LOXL1: variants seen among roughly 807,000 people sequenced by gnomAD.
LOXL1 encodes the protein lysyl oxidase like 1, also known as lysyl oxidase homolog 1.
A neutral mutation model predicts 62.2 loss-of-function variants in LOXL1; 31 were observed. That is an observed-to-expected ratio of 0.50 (90% CI 0.37 to 0.67). The LOEUF (loss-of-function observed/expected upper bound fraction) is 0.67, where lower values mean the gene tolerates loss of function less well. Among genes scored for constraint, LOXL1 ranks in the 30% least tolerant of loss-of-function variants. LOXL1 has a pLI of 0.00. For synonymous variants in LOXL1, 403 were observed against 384.4 expected, an observed-to-expected ratio of 1.05 and a Z score of -0.56; for missense variants, 775 against 843.4, an observed-to-expected ratio of 0.92 and a Z score of 1.00.
chr15:73,943,966 C>T (rs1393075494), intron 2 of LOXL1, among the ~76,000 whole-genome samples: 4 of 152,218 alleles, frequency 2.6e-5, no homozygotes, highest in Non-Finnish European at 5.9e-5. Context: ...CAACTCACTC[C>T]TTCATTGAGA....
At chr15:73,941,923 A>G (rs1046373306) in intron 1 of LOXL1, 2 of 239,814 alleles carry the variant, frequency 8.3e-6, no homozygotes, top group Non-Finnish European at 1.9e-5. Flanking sequence ...GTGGAGGGGC[A>G]GGAACAGGAC....
intron 1 of LOXL1, among the ~76,000 whole-genome samples, chr15:73,939,058 G>A (rs772090190): frequency 1.3e-5 from 2 of 152,070 alleles, no homozygotes; most frequent in Non-Finnish European, 2.9e-5. Context: ...TACCCTACAA[G>A]CCAAAAATTG....
chr15:73,938,590 G>GGTCC (rs2068692527), intron 1 of LOXL1, among the ~76,000 whole-genome samples: 1 of 152,088 alleles, frequency 6.6e-6, no homozygotes, highest in Non-Finnish European at 1.5e-5. Context: ...ATGCGCCTGT[G>GGTCC]GTCCTAGCTA....
In LOXL1 at chr15:73,932,431, C is replaced by T. The variant is rs569576009; in HGVS notation, c.1102+4546C>T. Among the ~76,000 whole-genome samples the T allele has an allele frequency of 2.6e-5, 4 of 152,324 alleles. No homozygotes were observed. In the East Asian group the frequency reaches 7.7e-4, roughly 29 times the overall value. ...TATATATTATTGCTTATCTTGTACACCTCATTTATTCACTCATTCATTTGG... is the reference window on the plus strand; with the variant it reads ...TATATATTATTGCTTATCTTGTACATCTCATTTATTCACTCATTCATTTGG... On this transcript the variant is annotated intron_variant, in intron 1 of 6. Coordinates refer to ENST00000261921, the MANE Select transcript of LOXL1 (RefSeq NM_005576.4).
chr15:73,946,087 C>A (rs2068745120), intron 2 of LOXL1, among the ~76,000 whole-genome samples: 1 of 152,146 alleles, frequency 6.6e-6, no homozygotes, highest in South Asian at 2.1e-4. Flanking sequence ...TGCTCCTGCA[C>A]CTAGGGGCTG....
At chr15:73,931,742 C>T (rs1184160079) in intron 1 of LOXL1, among the ~76,000 whole-genome samples, 1 of 152,176 alleles carries the variant, frequency 6.6e-6, no homozygotes, top group East Asian at 1.9e-4. Flanking sequence ...GCCTGCTCCA[C>T]CCCACCTCCA....
intron 1 of LOXL1, among the ~76,000 whole-genome samples, chr15:73,929,016 A>G (rs1451967196): frequency 6.6e-6 from 1 of 152,214 alleles, no homozygotes; most frequent in East Asian, 1.9e-4. Context: ...AGCCCTCTGC[A>G]CATGAGGACA....
chr15:73,945,682 A>G lies in LOXL1; in HGVS notation c.1212-735A>G, dbSNP rs2068742590. ...ACAATTAGGGCTCTGTCTTGTTGTC[A>G]GAGACTTATCAGAATCTCCTGGATA... is the stretch of plus-strand genomic sequence containing the variant. On this transcript the variant is annotated intron_variant, in intron 2 of 6. Coordinates refer to ENST00000261921, the MANE Select transcript of LOXL1 (RefSeq NM_005576.4). This position sits in a 1 kb window ranked among gnomAD's most constrained non-coding sequence, Gnocchi z 4.3. 6.6e-6 allele frequency among the ~76,000 whole-genome samples: 1 copy of G among 151,978 alleles called. No individual in the cohort carries two copies. Among genetic ancestry groups the G allele is most frequent in the African/African-American group, 2.4e-5 (1 of 41,368 alleles).
Position 73,926,504 on chromosome 15 carries a change from G to T in LOXL1, c.-280G>T. ...GCCAGCCGAGCGGCCAGCCAGTGCG[G>T]GGCTGGCCATGTAAGGCCCACAGGC... is the stretch of plus-strand genomic sequence containing the variant. On this transcript the variant is annotated 5_prime_UTR_variant, in exon 1 of 7. Transcript: ENST00000261921. The T allele has an allele frequency of 2.8e-6, 1 of 357,740 alleles. No individual in the cohort carries two copies. Among genetic ancestry groups the T allele is most frequent in the Non-Finnish European group, 5.0e-6 (1 of 199,886 alleles). 22.2% of individuals were successfully genotyped at this position (357,740 alleles called of 1,614,324 possible).
Position 73,927,082 on chromosome 15 carries a change from TG to T in LOXL1, c.300del (p.Leu102CysfsTer325). The T allele has an allele frequency of 7.6e-7, 1 of 1,308,036 alleles. No individual in the cohort carries two copies. The highest frequency in any genetic ancestry group is 2.4e-5 in the South Asian group (1 of 41,048). 81.0% of individuals were successfully genotyped at this position (1,308,036 alleles called of 1,614,324 possible). A position where few individuals can be genotyped will look rare whatever the true frequency, so the allele number is the denominator to read the frequency against. On this transcript the variant is annotated frameshift_variant, in exon 1 of 7. Transcript: ENST00000261921. LOFTEE classifies it high-confidence loss of function. ...GSPRRRQAPSLPLPGRVGSDT... is the reference protein window; with the variant it reads ...GSPRRRQAPSXPLPGRVGSDT... ...CCCCGGCGTCGGCAGGCGCCGTCCC[TG>T]CCCCTGCCGGGGCGCGTGGGCTCGG...
rs1454181620 is a variant in LOXL1 at position 73,926,521 on chromosome 15, CCCACAGGCGGTCCTGCCCG to C, written c.-260_-242del. 2.7e-6 allele frequency: 1 copy of C among 376,288 alleles called. No homozygotes were observed. The highest frequency in any genetic ancestry group is 2.1e-5 in the African/African-American group (1 of 47,996). 23.3% of individuals were successfully genotyped at this position (376,288 alleles called of 1,614,324 possible). On this transcript the variant is annotated 5_prime_UTR_variant, in exon 1 of 7. Coordinates refer to ENST00000261921, the MANE Select transcript of LOXL1 (RefSeq NM_005576.4). The stretch of plus-strand genomic sequence containing the variant: ...CCAGTGCGGGGCTGGCCATGTAAGG[CCCACAGGCGGTCCTGCCCG>C]CCCGGTGCCCTGCGGAGAGCCTCGT...
Position 73,927,244 on chromosome 15 carries a change from C to T in LOXL1, c.461C>T (p.Ser154Phe). The change falls in exon 1 of 7, where the codon TCC (serine) becomes TTC (phenylalanine). Residue 154 changes from serine (S) to phenylalanine (F), a missense_variant. Transcript: ENST00000261921. ...GTCTCCCAGCAACGGCACGGGGGCT[C>T]CGCCTCCTCGGTCTCGGCTTCGGCC... ...TSVSQQRHGGSASSVSASAFA... is the reference protein window; with the variant it reads ...TSVSQQRHGGFASSVSASAFA... The T allele has an allele frequency of 1.9e-6, 3 of 1,599,332 alleles. No homozygotes were observed. Among genetic ancestry groups the T allele is most frequent in the African/African-American group, 2.7e-5 (2 of 73,970 alleles).
At chr15:73,948,093 C>T (rs2068760663) in intron 5 of LOXL1, among the ~76,000 whole-genome samples, 191 bp downstream of exon 5, 1 of 152,242 alleles carries the variant, frequency 6.6e-6, no homozygotes, top group African/African-American at 2.4e-5. Context: ...GACATAGCCT[C>T]TCTTTCCATA....
intron 5 of LOXL1, among the ~76,000 whole-genome samples, chr15:73,949,051 A>G (rs144283312): frequency 3.2e-4 from 49 of 152,298 alleles, no homozygotes; most frequent in African/African-American, 1.1e-3. Flanking sequence ...AGGGGATCAG[A>G]CAGGCCCTCG....
intron 1 of LOXL1, among the ~76,000 whole-genome samples, chr15:73,938,704 G>A (rs2068693402): frequency 6.6e-6 from 1 of 152,138 alleles, no homozygotes; most frequent in Non-Finnish European, 1.5e-5. Flanking sequence ...GGTTTCCCCT[G>A]TATTTGGAGT....
Position 73,926,757 on chromosome 15 carries a change from C to A in LOXL1, c.-27C>A, listed in dbSNP as rs2068580312. ...GGGCCACTCCTGAGAGCCTCTCTGTCCACCAGGCCTCTGCAGAGGGGTCAC... is the reference window on the plus strand; with the variant it reads ...GGGCCACTCCTGAGAGCCTCTCTGTACACCAGGCCTCTGCAGAGGGGTCAC... On this transcript the variant is annotated 5_prime_UTR_variant, in exon 1 of 7. Coordinates refer to ENST00000261921, the MANE Select transcript of LOXL1 (RefSeq NM_005576.4). 1 of 1,366,476 alleles carries A rather than the reference C, an allele frequency of 7.3e-7. No homozygotes were observed. Among genetic ancestry groups the A allele is most frequent in the South Asian group, 1.7e-5 (1 of 57,936 alleles). 84.6% of individuals were successfully genotyped at this position (1,366,476 alleles called of 1,614,324 possible).
At chr15:73,949,342 C>T (rs2068768347) in intron 5 of LOXL1, 117 bp from the exon 6 acceptor site, 1 of 733,690 alleles carries the variant, frequency 1.4e-6, no homozygotes, top group Non-Finnish European at 2.5e-6. Flanking sequence ...TCTGTTCTCC[C>T]TCTCTCTGTC....
chr15:73,933,772 C>A (rs1304088523), intron 1 of LOXL1, among the ~76,000 whole-genome samples: 2 of 152,368 alleles, frequency 1.3e-5, no homozygotes, highest in South Asian at 4.1e-4. Flanking sequence ...TCCGCCCAGG[C>A]GGCCCACACC....
In LOXL1 at chr15:73,926,577, C is replaced by T. The variant is rs936016706; in HGVS notation, c.-207C>T. 1.0e-5 allele frequency: 5 copies of T among 494,118 alleles called. No homozygotes were observed. The highest frequency in any genetic ancestry group is 2.0e-5 in the African/African-American group (1 of 49,878). 30.6% of individuals were successfully genotyped at this position (494,118 alleles called of 1,614,324 possible). ...GCGGAGAGCCTCGTGCAGCCCTGGGCACCGCCCCTGCCCTGCCCTGACCCC... is the reference window on the plus strand; with the variant it reads ...GCGGAGAGCCTCGTGCAGCCCTGGGTACCGCCCCTGCCCTGCCCTGACCCC... On this transcript the variant is annotated 5_prime_UTR_variant, in exon 1 of 7. Transcript: ENST00000261921.
Sources: gnomAD v4.1 joint callset for allele counts (sites outside exome capture counted in the v4.1 genomes callset) on GRCh38, gnomAD v4.1.1 for gene constraint, Gnocchi (gnomAD v3.1) non-coding constraint, MANE v1.5 for transcripts, NCBI Gene and HGNC (gene_info 2026-07-23, HGNC 2026-07-21) for gene names.